ADGRB3: variants seen among roughly 807,000 people sequenced by gnomAD.
ADGRB3 encodes the protein brain-specific angiogenesis inhibitor 3.
Under a neutral mutation model 193.4 loss-of-function variants are expected in ADGRB3, and 37 were observed. The ratio of observed to expected loss-of-function variants is 0.19; its 90% CI spans 0.15 to 0.25. The LOEUF is 0.25. Among genes scored for constraint, ADGRB3 ranks in the 10% least tolerant of loss-of-function variants. The pLI is 1.00. For synonymous variants in ADGRB3, 690 were observed against 644.2 expected (o/e 1.07, Z -1.08); for missense variants, 1,637 against 1,852.9 (o/e 0.88, Z 2.14).
chr6:69,029,689 T>C (rs1770567225), intron 13 of ADGRB3, among the ~76,000 whole-genome samples: 1 of 152,120 alleles, frequency 6.6e-6, no homozygotes, highest in Middle Eastern at 3.2e-3. Flanking sequence ...ACAGAGATAG[T>C]GATGGTGAAG....
At chr6:68,915,789 A>C (rs1039033024) in intron 3 of ADGRB3, among the ~76,000 whole-genome samples, 2 of 152,034 alleles carry the variant, frequency 1.3e-5, no homozygotes, top group African/African-American at 4.8e-5. Context: ...CTACCCAAGA[A>C]AAAAAACAAA....
chr6:69,048,473 T>G (rs1771301986), intron 14 of ADGRB3, 139 bp downstream of exon 14: 3 of 916,762 alleles, frequency 3.3e-6, no homozygotes, highest in Non-Finnish European at 4.8e-6. Flanking sequence ...TTTCTAAATA[T>G]GGACAACTTA....
At chr6:69,066,550 A>G (rs1238655249) in intron 16 of ADGRB3, among the ~76,000 whole-genome samples, 1 of 152,088 alleles carries the variant, frequency 6.6e-6, no homozygotes, top group Non-Finnish European at 1.5e-5. Context: ...AGGTAATAAA[A>G]TATGGAACCT....
chr6:69,371,701 AT>A (rs1333465627), intron 29 of ADGRB3, among the ~76,000 whole-genome samples: 4 of 152,084 alleles, frequency 2.6e-5, no homozygotes, highest in African/African-American at 4.8e-5. Context: ...TTATTAATGC[AT>A]TTTATCTGTA....
chr6:69,048,885 C>T (rs943529614), intron 14 of ADGRB3, among the ~76,000 whole-genome samples: 2 of 152,096 alleles, frequency 1.3e-5, no homozygotes, highest in Non-Finnish European at 2.9e-5. Context: ...GTTTTTAGAA[C>T]ATTTTTAATA....
At chr6:69,132,022 A>G (rs564584782) in intron 17 of ADGRB3, among the ~76,000 whole-genome samples, 1 of 152,280 alleles carries the variant, frequency 6.6e-6, no homozygotes, top group East Asian at 1.9e-4. Context: ...TATCCAGTCT[A>G]TCATTGATGA....
intron 3 of ADGRB3, among the ~76,000 whole-genome samples, chr6:68,886,069 A>G (rs1765898527): frequency 6.6e-6 from 1 of 152,100 alleles, no homozygotes; most frequent in South Asian, 2.1e-4. Flanking sequence ...TGCCCTATAA[A>G]CGTTAGGAAT....
chr6:69,280,929 C>A (rs543504320), intron 20 of ADGRB3, among the ~76,000 whole-genome samples: 7 of 152,278 alleles, frequency 4.6e-5, no homozygotes, highest in African/African-American at 1.4e-4. Flanking sequence ...GAAACAGAAT[C>A]TCATTAGGAT....
intron 20 of ADGRB3, among the ~76,000 whole-genome samples, chr6:69,287,478 G>A (rs1767577724): frequency 6.6e-6 from 1 of 151,942 alleles, no homozygotes; most frequent in Non-Finnish European, 1.5e-5. Flanking sequence ...ACATGTAACA[G>A]AAAGGAAAAA....
At chr6:68,968,549 G>A (rs558407916) in intron 8 of ADGRB3, among the ~76,000 whole-genome samples, 9 of 152,218 alleles carry the variant, frequency 5.9e-5, no homozygotes, top group African/African-American at 2.2e-4. Flanking sequence ...CAAAAAGATA[G>A]TACAAGTGAA....
intron 3 of ADGRB3, among the ~76,000 whole-genome samples, chr6:68,695,319 A>G (rs1381770549): frequency 6.6e-6 from 1 of 152,038 alleles, no homozygotes; most frequent in Non-Finnish European, 1.5e-5. Flanking sequence ...TAGCATGCCA[A>G]AATTGAATTG....
chr6:68,820,122 A>G (rs147215550), intron 3 of ADGRB3, among the ~76,000 whole-genome samples: 12 of 152,076 alleles, frequency 7.9e-5, no homozygotes, highest in Non-Finnish European at 1.6e-4. Context: ...TCTACCTTCT[A>G]CTGGGTACTC....
intron 3 of ADGRB3, among the ~76,000 whole-genome samples, chr6:68,716,632 TAGG>T (rs976498756): frequency 6.6e-6 from 1 of 151,526 alleles, no homozygotes; most frequent in Non-Finnish European, 1.5e-5. Context: ...TCACCAGTGG[TAGG>T]AGTATTTACA....
intron 3 of ADGRB3, among the ~76,000 whole-genome samples, chr6:68,781,107 T>C (rs981243650): frequency 1.3e-5 from 2 of 152,178 alleles, no homozygotes; most frequent in Admixed American, 6.6e-5. Context: ...TTTAATGTGA[T>C]TGCTCATCTG....
intron 8 of ADGRB3, among the ~76,000 whole-genome samples, chr6:68,957,519 T>C (rs1367143429): frequency 6.6e-6 from 1 of 152,162 alleles, no homozygotes; most frequent in Non-Finnish European, 1.5e-5. Context: ...GGACAGAATT[T>C]TAAAATTTGA....
At chr6:69,298,014 A>G (rs1204822869) in intron 20 of ADGRB3, among the ~76,000 whole-genome samples, 6 of 152,038 alleles carry the variant, frequency 3.9e-5, no homozygotes, top group African/African-American at 1.4e-4. Context: ...TTGAGTTATT[A>G]TTAGAGTAAC....
Position 69,235,123 on chromosome 6 carries a change from C to A in ADGRB3, c.2699C>A (p.Ala900Glu). 6.2e-7 allele frequency: 1 copy of A among 1,605,722 alleles called. No individual in the cohort carries two copies. The highest frequency in any genetic ancestry group is 8.5e-7 in the Non-Finnish European group (1 of 1,172,598). Reference sequence around the variant, plus strand: ...TTGATTACCCTAGCAGTTGTCTATGCAGCATTATGGAGGTAAGTAATCAAT... The same window carrying A: ...TTGATTACCCTAGCAGTTGTCTATGAAGCATTATGGAGGTAAGTAATCAAT... ...LALITLAVVY[A>E]ALWRYIRSER... Residue 900 changes from alanine to glutamate, a missense_variant, in exon 19 of 32, where the codon GCA becomes GAA. Ala to Glu is a moderately radical substitution (Grantham distance 107). Around this residue, in one of 7 missense-constraint regions of ADGRB3, gnomAD observed 641 missense variants for 673.9 expected, o/e 0.95. Transcript: ENST00000370598.
chr6:69,206,899 G>A (rs1208052812), intron 17 of ADGRB3, among the ~76,000 whole-genome samples: 1 of 152,022 alleles, frequency 6.6e-6, no homozygotes, highest in African/African-American at 2.4e-5. Flanking sequence ...GAAGGGTCTG[G>A]GTCATTTGTA....
At chr6:69,049,581 A>G (rs757385976) in intron 15 of ADGRB3, among the ~76,000 whole-genome samples, 2 of 152,140 alleles carry the variant, frequency 1.3e-5, no homozygotes, top group African/African-American at 2.4e-5. Flanking sequence ...GTAACTGATA[A>G]TGCCTTGCCT....
Sources: gnomAD v4.1 joint callset for allele counts (sites outside exome capture counted in the v4.1 genomes callset) on GRCh38, gnomAD v4.1.1 for gene constraint, gnomAD v4.1.1 regional missense constraint, MANE v1.5 for transcripts, NCBI Gene and HGNC (gene_info 2026-07-23, HGNC 2026-07-21) for gene names.